Variants in BMPER observed in about 807,000 individuals in gnomAD.
The protein encoded by BMPER is BMP-binding endothelial regulator protein.
Under a neutral mutation model 87.3 loss-of-function variants are expected in BMPER, and 45 were observed. The ratio of observed to expected loss-of-function variants is 0.52; its 90% CI spans 0.41 to 0.66. The LOEUF (loss-of-function observed/expected upper bound fraction) is 0.66. Among genes scored for constraint, BMPER ranks in the 30% least tolerant of loss-of-function variants. The pLI is 0.00. For missense variants in BMPER, 784 were observed against 867.5 expected, an observed-to-expected ratio of 0.90 and a Z score of 1.21; for synonymous variants, 326 against 316.2, an observed-to-expected ratio of 1.03 and a Z score of -0.33.
intron 10 of BMPER, among the ~76,000 whole-genome samples, chr7:34,058,592 G>A (rs1459566852): frequency 6.6e-6 from 1 of 152,162 alleles, no homozygotes; most frequent in Non-Finnish European, 1.5e-5. Flanking sequence ...GGTTTCTCCT[G>A]CCTCACGGCA....
intron 13 of BMPER, among the ~76,000 whole-genome samples, chr7:34,118,675 A>T (rs1790179146): frequency 6.6e-6 from 1 of 152,198 alleles, no homozygotes; most frequent in Non-Finnish European, 1.5e-5. Flanking sequence ...AACCATATAC[A>T]AATAGTCAAA....
intron 2 of BMPER, among the ~76,000 whole-genome samples, chr7:33,924,054 C>T (rs1425311611): frequency 6.6e-6 from 1 of 152,148 alleles, no homozygotes; most frequent in Non-Finnish European, 1.5e-5. Flanking sequence ...GAGCAGGCAT[C>T]TCAAACTGAA....
chr7:34,101,426 T>G (rs1398579261), intron 13 of BMPER, among the ~76,000 whole-genome samples: 1 of 152,210 alleles, frequency 6.6e-6, no homozygotes, highest in Non-Finnish European at 1.5e-5. Flanking sequence ...CTTCATTAGT[T>G]ACATCAGGTG....
chr7:33,937,138 G>C (rs1193381688), intron 2 of BMPER, 151 bp from the exon 3 acceptor site: 1 of 777,048 alleles, frequency 1.3e-6, no homozygotes, highest in African/African-American at 1.7e-5. Context: ...TTCTGTTTCA[G>C]AGATGGCAAA....
intron 6 of BMPER, among the ~76,000 whole-genome samples, chr7:33,993,974 C>G (rs536252917): frequency 4.6e-5 from 7 of 152,266 alleles, no homozygotes; most frequent in South Asian, 2.1e-4. Context: ...GCAGTCTGCC[C>G]GTTCTCAGAT....
At chr7:33,927,655 A>G (rs1053125879) in intron 2 of BMPER, among the ~76,000 whole-genome samples, 9 of 151,968 alleles carry the variant, frequency 5.9e-5, no homozygotes, top group African/African-American at 2.2e-4. Context: ...GTTACCTAAT[A>G]TTATTACCAC....
At chr7:34,102,512 A>G (rs1010443439) in intron 13 of BMPER, among the ~76,000 whole-genome samples, 5 of 152,194 alleles carry the variant, frequency 3.3e-5, no homozygotes, top group Admixed American at 3.3e-4. Context: ...TGGGGACCAC[A>G]CTTTGAGAAC....
At chr7:34,001,152 GT>G (rs1026528412) in intron 6 of BMPER, among the ~76,000 whole-genome samples, 12 of 150,990 alleles carry the variant, frequency 7.9e-5, no homozygotes, top group African/African-American at 2.9e-4. Context: ...TGATATCTTT[GT>G]TTTTTTTGTA....
chr7:33,942,173 C>A (rs920030824), intron 3 of BMPER, among the ~76,000 whole-genome samples: 1 of 151,980 alleles, frequency 6.6e-6, no homozygotes, highest in Non-Finnish European at 1.5e-5. Context: ...CTTCCTTTTA[C>A]CTGAGGGAAT....
At chr7:33,927,692 A>G (rs2128606351) in intron 2 of BMPER, among the ~76,000 whole-genome samples, 1 of 151,426 alleles carries the variant, frequency 6.6e-6, no homozygotes, top group South Asian at 2.1e-4. Context: ...CCCACTCCCC[A>G]CTCCCTCCAA....
chr7:34,057,937 T>C (rs1788327344), intron 9 of BMPER, 122 bp from the exon 10 acceptor site: 1 of 784,418 alleles, frequency 1.3e-6, no homozygotes, highest in African/African-American at 1.7e-5. Context: ...AGTCATTTAG[T>C]CTAATGATGG....
At chr7:33,948,265 A>G (rs1784933673) in intron 3 of BMPER, among the ~76,000 whole-genome samples, 1 of 152,196 alleles carries the variant, frequency 6.6e-6, no homozygotes, top group African/African-American at 2.4e-5. Context: ...AATCATGTAA[A>G]CTACACTGTG....
intron 6 of BMPER, among the ~76,000 whole-genome samples, chr7:33,980,768 C>T (rs933639162): frequency 3.9e-5 from 6 of 152,114 alleles, no homozygotes; most frequent in Non-Finnish European, 1.5e-5. Flanking sequence ...CTGACAAAGG[C>T]GTATTAAGTT....
intron 13 of BMPER, among the ~76,000 whole-genome samples, chr7:34,119,014 T>TCTCTCTCTCACACA (rs66493349): frequency 7.4e-6 from 1 of 135,712 alleles, no homozygotes; most frequent in African/African-American, 2.6e-5. Flanking sequence ...TCTCTCTCTC[T>TCTCTCTCTCACACA]CACACACACA....
intron 6 of BMPER, among the ~76,000 whole-genome samples, chr7:34,013,951 C>T (rs1337144165): frequency 6.6e-6 from 1 of 151,840 alleles, no homozygotes; most frequent in Admixed American, 6.6e-5. Context: ...TAAAGTCTTG[C>T]CATAGCTCCA....
In BMPER at chr7:34,020,160, C is replaced by T. The variant is rs115023601; in HGVS notation, c.577-26146C>T. Among the ~76,000 whole-genome samples, 647 of 151,930 alleles carry T rather than the reference C, an allele frequency of 4.3e-3. 7 individuals are homozygous for T. Among genetic ancestry groups the T allele is most frequent in the African/African-American group, 0.014 (587 of 41,476 alleles). ...GAGTTTGGGAAAGAAGGCAGAAGAT[C>T]TCCTTACTGACTTATTTTGTCCTGA... On this transcript the variant is annotated intron_variant, in intron 6 of 14. Transcript: ENST00000649409.
Position 34,122,464 on chromosome 7 carries a change from G to A in BMPER, c.1746-20766G>A, listed in dbSNP as rs116258419. Among the ~76,000 whole-genome samples, 530 of 152,296 alleles carry A rather than the reference G, an allele frequency of 3.5e-3. 2 individuals are homozygous for A. Among genetic ancestry groups the A allele is most frequent in the African/African-American group, 0.011 (461 of 41,558 alleles). ...TCTAACAAGTCTCAGGTGAGGCCAG[G>A]TCATGGCTGGATTTTGAATAGAGGG... On this transcript the variant is annotated intron_variant, in intron 13 of 14. Transcript: ENST00000649409.
At chr7:34,071,607 A>G (rs1788738914) in intron 11 of BMPER, among the ~76,000 whole-genome samples, 1 of 152,076 alleles carries the variant, frequency 6.6e-6, no homozygotes, top group Admixed American at 6.5e-5. Context: ...TGGTTTAAGT[A>G]GGGAAGAAGA....
chr7:34,095,948 A>T, intron 13 of BMPER, among the ~76,000 whole-genome samples: 1 of 152,070 alleles, frequency 6.6e-6, no homozygotes, highest in African/African-American at 2.4e-5. Context: ...TCATTATGAA[A>T]TAGAGATAAT....
Sources: allele counts gnomAD v4.1 joint callset (sites outside exome capture counted in the v4.1 genomes callset), GRCh38; gene constraint gnomAD v4.1.1; transcripts MANE v1.5; gene names NCBI Gene and HGNC (gene_info 2026-07-23, HGNC 2026-07-21).